Variants in TOPBP1 observed in about 807,000 individuals in gnomAD.
The protein encoded by TOPBP1 is DNA topoisomerase 2-binding protein 1.
TOPBP1 carries 28 observed loss-of-function variants against 167.7 expected under a neutral mutation model. That is an observed-to-expected ratio of 0.17 (90% CI 0.12 to 0.23). The LOEUF (loss-of-function observed/expected upper bound fraction) is 0.23. Ranked by LOEUF, TOPBP1 falls within the 10% of genes least tolerant of loss-of-function variation. TOPBP1 has a pLI of 1.00. For synonymous variants in TOPBP1, 598 were observed against 611.4 expected, an observed-to-expected ratio of 0.98 and a Z score of 0.32; for missense variants, 1,554 against 1,809.6, an observed-to-expected ratio of 0.86 and a Z score of 2.56.
Position 133,626,590 on chromosome 3 carries a change from T to C in TOPBP1, c.2804+1772A>G, listed in dbSNP as rs1935274241. Among the ~76,000 whole-genome samples the C allele has an allele frequency of 2.0e-5, 3 of 152,318 alleles. No homozygotes were observed. The South Asian group carries it at 6.2e-4, about 32-fold the overall frequency. On this transcript the variant is annotated intron_variant, in intron 16 of 27. Coordinates refer to ENST00000260810, the MANE Select transcript of TOPBP1 (RefSeq NM_007027.4). Reference sequence around the variant, plus strand: ...TACAAAAATGTGACTACTGTATAAATTGATGGAAGACCACTGCTACTCATG... The same window carrying C: ...TACAAAAATGTGACTACTGTATAAACTGATGGAAGACCACTGCTACTCATG...
At chr3:133,654,264 A>G (rs1383910085) in intron 6 of TOPBP1, among the ~76,000 whole-genome samples, 3 of 152,360 alleles carry the variant, frequency 2.0e-5, no homozygotes, top group Admixed American at 2.0e-4. Flanking sequence ...GACTATTCCA[A>G]TGTCAACAGG....
At chr3:133,626,518 G>A (rs1230256879) in intron 16 of TOPBP1, among the ~76,000 whole-genome samples, 1 of 152,042 alleles carries the variant, frequency 6.6e-6, no homozygotes. Context: ...GAACCTGTTC[G>A]ACATATAAAC....
In TOPBP1 at chr3:133,608,555, T is replaced by C. The variant is rs529270989; in HGVS notation, c.4405A>G (p.Ile1469Val). Residue 1469 changes from isoleucine to valine, a missense_variant, in exon 27 of 28, where the codon ATT becomes GTT. Coordinates refer to ENST00000260810, the MANE Select transcript of TOPBP1 (RefSeq NM_007027.4). ...QNVYCLRTEY[I>V]ADYLMQESPP... ...CAAACCTGCATGAGATAATCAGCAA[T>C]GTATTCTGTTCTCAAGCAGTACACG... 3 of 1,613,670 alleles carry C rather than the reference T, an allele frequency of 1.9e-6. No individual in the cohort carries two copies. The highest frequency in any genetic ancestry group is 1.7e-5 in the Admixed American group (1 of 59,994).
intron 14 of TOPBP1, among the ~76,000 whole-genome samples, chr3:133,634,378 G>A (rs746320033): frequency 2.0e-4 from 30 of 152,060 alleles, no homozygotes; most frequent in Non-Finnish European, 2.2e-4. Flanking sequence ...GCATGGTGGC[G>A]CATGCCTGTA....
chr3:133,612,301 A>T (rs1276192276), intron 24 of TOPBP1, 88 bp downstream of exon 24: 1 of 1,509,432 alleles, frequency 6.6e-7, no homozygotes, highest in African/African-American at 1.4e-5. Flanking sequence ...CGGCCTCCCA[A>T]AGTGCTAGGA....
At chr3:133,614,639 A>G (rs1037975215) in intron 23 of TOPBP1, among the ~76,000 whole-genome samples, 50 of 152,108 alleles carry the variant, frequency 3.3e-4, no homozygotes, top group Middle Eastern at 3.4e-3. Flanking sequence ...CTCTTCCCCA[A>G]AGTTTGCAGA....
At chr3:133,653,567 C>T (rs766219319) in intron 6 of TOPBP1, 43 bp from the exon 7 acceptor site, 2 of 1,412,974 alleles carry the variant, frequency 1.4e-6, no homozygotes, top group African/African-American at 1.5e-5. Context: ...ATAGGAGAAA[C>T]CAAGAAATGA....
At position 133,616,870 on chromosome 3, in the gene TOPBP1, A is replaced by G; in HGVS notation, c.3815T>C (p.Leu1272Ser). 1 of 1,560,644 alleles carries G rather than the reference A, an allele frequency of 6.4e-7. No individual in the cohort carries two copies. Among genetic ancestry groups the G allele is most frequent in the African/African-American group, 1.4e-5 (1 of 73,538 alleles). Residue 1272 changes from leucine (L) to serine (S), a missense_variant, in exon 23 of 28, where the codon TTA becomes TCA. Physicochemically the swap from Leu to Ser is moderately radical, Grantham distance 145. Coordinates refer to ENST00000260810, the MANE Select transcript of TOPBP1 (RefSeq NM_007027.4). The stretch of plus-strand genomic sequence containing the variant: ...ACGTTCTTGAGGATTCAGAGATGAT[A>G]ACTGAAATATGTACTGTTTTTTTAA... ...EELKKQYIFQLSSLNPQERID... is the reference protein window; with the variant it reads ...EELKKQYIFQSSSLNPQERID...
intron 3 of TOPBP1, 145 bp from the exon 4 acceptor site, chr3:133,658,086 A>G (rs2107837498): frequency 1.7e-6 from 1 of 604,652 alleles, no homozygotes; most frequent in East Asian, 3.3e-5. Flanking sequence ...GAAAAAAATA[A>G]AGATGACTAT....
rs749215494 is a variant in TOPBP1 at position 133,657,876 on chromosome 3, T to C, written c.285A>G (p.Pro95=). The C allele has an allele frequency of 5.0e-6, 8 of 1,601,762 alleles. No individual in the cohort carries two copies. The African/African-American group carries it at 9.5e-5, about 19-fold the overall frequency. The change falls in exon 4 of 28, where the codon CCA becomes CCG. Residue 95 remains proline (P), a synonymous_variant. Transcript: ENST00000260810. The stretch of plus-strand genomic sequence containing the variant: ...TATTATAAACTGGATGTTCGGCTCT[T>C]GGGACACATCGCTGGTGGTGCATAC... ...IFCMHHQRCV[P]RAEHPVYNMV...
chr3:133,640,287 T>C, intron 12 of TOPBP1, 117 bp from the exon 13 acceptor site: 5 of 873,484 alleles, frequency 5.7e-6, no homozygotes, highest in Non-Finnish European at 8.7e-6. Flanking sequence ...AAAAAAATAC[T>C]GATTAAAAGT....
At chr3:133,620,609 A>C (rs1311929097) in intron 19 of TOPBP1, among the ~76,000 whole-genome samples, 1 of 143,320 alleles carries the variant, frequency 7.0e-6, no homozygotes, top group African/African-American at 2.6e-5. Flanking sequence ...ATAGTCTAGC[A>C]CTGTCGCCCA....
chr3:133,643,068 G>A (rs1343345364), intron 12 of TOPBP1, 132 bp downstream of exon 12: 6 of 795,994 alleles, frequency 7.5e-6, no homozygotes, highest in Non-Finnish European at 1.1e-5. Context: ...AGTGGGAGTG[G>A]AGAAGGAACC....
At chr3:133,642,655 T>C (rs1353750777) in intron 12 of TOPBP1, among the ~76,000 whole-genome samples, 2 of 152,228 alleles carry the variant, frequency 1.3e-5, no homozygotes, top group Non-Finnish European at 2.9e-5. Flanking sequence ...GTCTTGTCCC[T>C]TTATTGTGTG....
intron 13 of TOPBP1, among the ~76,000 whole-genome samples, chr3:133,639,294 A>T (rs890210143): frequency 6.6e-6 from 1 of 152,184 alleles, no homozygotes; most frequent in African/African-American, 2.4e-5. Context: ...AAAAAGGATG[A>T]ATTCATGTCC....
At chr3:133,620,119 C>T in intron 20 of TOPBP1, 36 bp downstream of exon 20, 1 of 1,564,470 alleles carries the variant, frequency 6.4e-7, no homozygotes, top group Non-Finnish European at 8.7e-7. Context: ...TCTCTCAAGT[C>T]ATCTAGTCTT....
At chr3:133,660,756 A>C (rs11708532) in intron 2 of TOPBP1, among the ~76,000 whole-genome samples, 21,457 of 152,226 alleles carry the variant, frequency 0.14, 1,858 homozygotes, top group Non-Finnish European at 0.2. Flanking sequence ...TACAGCACGC[A>C]AAGGACCACT....
At chr3:133,649,717 G>A (rs1936218850) in intron 9 of TOPBP1, 63 bp downstream of exon 9, 1 of 1,583,268 alleles carries the variant, frequency 6.3e-7, no homozygotes, top group African/African-American at 1.4e-5. Context: ...AGAACTGCGT[G>A]GATATGCAAT....
intron 25 of TOPBP1, among the ~76,000 whole-genome samples, chr3:133,610,011 G>C (rs1002300624): frequency 6.6e-6 from 1 of 152,158 alleles, no homozygotes; most frequent in African/African-American, 2.4e-5. Context: ...TTTATTGAAA[G>C]TTATCAAAAT....
Sources: gnomAD v4.1 joint callset for allele counts (sites outside exome capture counted in the v4.1 genomes callset) on GRCh38, gnomAD v4.1.1 for gene constraint, MANE v1.5 for transcripts, NCBI Gene and HGNC (gene_info 2026-07-23, HGNC 2026-07-21) for gene names.